ME1: variants seen among roughly 807,000 people sequenced by gnomAD.
ME1 encodes NADP-dependent malic enzyme.
ME1 carries 74 observed loss-of-function variants against 66.4 expected under a neutral mutation model. The observed-to-expected ratio is 1.11, with a 90% CI of 0.92 to 1.35. The LOEUF is 1.35. Among genes scored for constraint, ME1 ranks in the 40% most tolerant of loss-of-function variants. ME1 has a pLI of 0.00. For synonymous variants in ME1, 251 were observed against 235.6 expected (o/e 1.07, Z -0.60); for missense variants, 750 against 694.1 (o/e 1.08, Z -0.90).
chr6:83,227,438 A>C lies in ME1; in HGVS notation c.1172T>G (p.Leu391Arg). Residue 391 changes from leucine (L) to arginine (R), a missense_variant, in exon 11 of 14, where the codon CTC (leucine) becomes CGC (arginine). Transcript: ENST00000369705. Reference protein sequence around the residue: ...AIGGAFSEQILKDMAAFNERP... With the variant: ...AIGGAFSEQIRKDMAAFNERP... ...TTCATTGAAGGCAGCCATATCTTTG[A>C]GAATTTGTTCTGAGAATGCACCACC... is the stretch of plus-strand genomic sequence containing the variant. The C allele has an allele frequency of 6.2e-7, 1 of 1,603,606 alleles. No homozygotes were observed. Among genetic ancestry groups the C allele is most frequent in the Non-Finnish European group, 8.5e-7 (1 of 1,173,414 alleles).
chr6:83,261,050 T>G lies in ME1; in HGVS notation c.705-7312A>C, dbSNP rs547182276. The stretch of plus-strand genomic sequence containing the variant: ...AGGAATCTCCATACTGCTTCCACAA[T>G]GGCTGAACTAATTTACACTCCCACC... On this transcript the variant is annotated intron_variant, in intron 6 of 13. Transcript: ENST00000369705. Among the ~76,000 whole-genome samples, 13 of 152,352 alleles carry G rather than the reference T, an allele frequency of 8.5e-5. No homozygotes were observed. In the South Asian group the frequency reaches 2.7e-3, roughly 32 times the overall value.
At chr6:83,239,864 AT>A (rs765495405) in intron 7 of ME1, among the ~76,000 whole-genome samples, 87 of 152,092 alleles carry the variant, frequency 5.7e-4, no homozygotes, top group Non-Finnish European at 1.1e-3. Context: ...CTAAAAGAAG[AT>A]TCTGTGACTT....
At chr6:83,247,506 A>G (rs1180203) in intron 7 of ME1, among the ~76,000 whole-genome samples, 63,841 of 151,652 alleles carry the variant, frequency 0.42, 13,759 homozygotes, top group Middle Eastern at 0.55. Flanking sequence ...TTCATAAATC[A>G]TATCTTTAAA....
intron 2 of ME1, among the ~76,000 whole-genome samples, chr6:83,403,954 G>A (rs868376575): frequency 3.9e-5 from 6 of 152,098 alleles, no homozygotes; most frequent in South Asian, 2.1e-4. Flanking sequence ...GAATAGTGCC[G>A]CAGTAAACAT....
intron 6 of ME1, among the ~76,000 whole-genome samples, chr6:83,287,422 C>T (rs964335140): frequency 2.6e-5 from 4 of 152,078 alleles, no homozygotes; most frequent in South Asian, 2.1e-4. Context: ...TCTGATCTTG[C>T]GATAGTTTGC....
At chr6:83,405,053 G>C (rs926174710) in intron 2 of ME1, among the ~76,000 whole-genome samples, 1 of 152,152 alleles carries the variant, frequency 6.6e-6, no homozygotes, top group Admixed American at 6.5e-5. Context: ...AAAAGTCAAT[G>C]GTAGCTTGAT....
At chr6:83,326,913 G>A (rs533897723) in intron 5 of ME1, among the ~76,000 whole-genome samples, 3 of 152,038 alleles carry the variant, frequency 2.0e-5, no homozygotes, top group Non-Finnish European at 4.4e-5. Flanking sequence ...ATTGTTGCGG[G>A]AAGTCAGGGA....
intron 3 of ME1, among the ~76,000 whole-genome samples, chr6:83,352,837 T>C (rs1419885530): frequency 6.6e-6 from 1 of 152,224 alleles, no homozygotes; most frequent in Non-Finnish European, 1.5e-5. Flanking sequence ...TTGTTAAATG[T>C]GACTCACATA....
At chr6:83,407,544 A>G (rs1769969189) in intron 2 of ME1, among the ~76,000 whole-genome samples, 1 of 152,210 alleles carries the variant, frequency 6.6e-6, no homozygotes, top group African/African-American at 2.4e-5. Flanking sequence ...TATGATAAAC[A>G]TGGTCTGTCT....
intron 11 of ME1, among the ~76,000 whole-genome samples, chr6:83,226,664 C>T (rs768289052): frequency 6.6e-6 from 1 of 152,014 alleles, no homozygotes; most frequent in Non-Finnish European, 1.5e-5. Flanking sequence ...AGTGACATAG[C>T]GTTCATGTTT....
intron 3 of ME1, among the ~76,000 whole-genome samples, chr6:83,372,351 GT>G (rs1180706891): frequency 6.6e-6 from 1 of 152,106 alleles, no homozygotes; most frequent in African/African-American, 2.4e-5. Flanking sequence ...CTGGGGTATG[GT>G]TTGAGAGACT....
At chr6:83,402,617 C>T (rs900681500) in intron 2 of ME1, among the ~76,000 whole-genome samples, 17 of 152,060 alleles carry the variant, frequency 1.1e-4, no homozygotes, top group Admixed American at 7.9e-4. Flanking sequence ...ACAGTGGAGG[C>T]GGGAAAGAGT....
At chr6:83,399,540 G>A (rs1163139915) in intron 2 of ME1, among the ~76,000 whole-genome samples, 1 of 152,198 alleles carries the variant, frequency 6.6e-6, no homozygotes, top group Non-Finnish European at 1.5e-5. Context: ...ATAAGTAAGA[G>A]AATGTAACAC....
At chr6:83,253,967 T>C (rs539045053) in intron 6 of ME1, among the ~76,000 whole-genome samples, 88 of 152,274 alleles carry the variant, frequency 5.8e-4, no homozygotes, top group African/African-American at 2.1e-3. Context: ...GACCAAAATA[T>C]GTTCCCTTTC....
intron 6 of ME1, among the ~76,000 whole-genome samples, chr6:83,275,051 A>C (rs1377467565): frequency 6.6e-6 from 1 of 152,182 alleles, no homozygotes; most frequent in Admixed American, 6.5e-5. Flanking sequence ...GGACAAAAAC[A>C]GGCTGGGCTC....
At chr6:83,429,521 A>G (rs1435579265) in intron 1 of ME1, among the ~76,000 whole-genome samples, 3 of 152,198 alleles carry the variant, frequency 2.0e-5, no homozygotes, top group African/African-American at 7.2e-5. Flanking sequence ...CTTTTGTTCT[A>G]CTGAAAATAG....
intron 3 of ME1, among the ~76,000 whole-genome samples, chr6:83,355,779 T>C (rs1768876957): frequency 1.3e-5 from 2 of 152,132 alleles, no homozygotes; most frequent in African/African-American, 4.8e-5. Context: ...CATATACATA[T>C]ATACAGTTAT....
At chr6:83,398,279 AAATAAT>A (rs935961379) in intron 3 of ME1, 82 bp downstream of exon 3, 3 of 921,490 alleles carry the variant, frequency 3.3e-6, no homozygotes, top group South Asian at 3.8e-5. Flanking sequence ...GTCAAATTTA[AAATAAT>A]AATAATAAAT....
chr6:83,358,961 G>A (rs753155184), intron 3 of ME1, among the ~76,000 whole-genome samples: 2 of 152,030 alleles, frequency 1.3e-5, no homozygotes, highest in African/African-American at 2.4e-5. Context: ...GGGGAAGACA[G>A]AAAAGATCAC....
Sources: gnomAD v4.1 joint callset for allele counts (sites outside exome capture counted in the v4.1 genomes callset) on GRCh38, gnomAD v4.1.1 for gene constraint, MANE v1.5 for transcripts, NCBI Gene and HGNC (gene_info 2026-07-23, HGNC 2026-07-21) for gene names.